PLEKHA6: variants seen among roughly 807,000 people sequenced by gnomAD.
PLEKHA6 encodes the protein pleckstrin homology domain containing A6.
In PLEKHA6, 60 loss-of-function variants were observed where a neutral mutation model predicts 116.7. The observed-to-expected ratio is 0.51, with a 90% CI of 0.42 to 0.64. The LOEUF (loss-of-function observed/expected upper bound fraction) is 0.64. Ranked by LOEUF, PLEKHA6 falls within the 30% of genes least tolerant of loss-of-function variation. PLEKHA6 has a pLI of 0.00. For synonymous variants in PLEKHA6, 489 were observed against 556.1 expected (o/e 0.88, Z 1.70); for missense variants, 1,338 against 1,422.7 (o/e 0.94, Z 0.96).
intron 1 of PLEKHA6, among the ~76,000 whole-genome samples, chr1:204,294,401 C>T (rs1038865633): frequency 3.9e-5 from 6 of 152,226 alleles, no homozygotes; most frequent in African/African-American, 1.4e-4. Flanking sequence ...GCTTAACCCC[C>T]AGAGATAGGT....
chr1:204,293,400 G>T (rs984749329), intron 1 of PLEKHA6, among the ~76,000 whole-genome samples: 1 of 152,182 alleles, frequency 6.6e-6, no homozygotes, highest in African/African-American at 2.4e-5. Context: ...CTCCCAAAGT[G>T]CTGGGATTAC....
chr1:204,312,212 C>T (rs1671679897), intron 1 of PLEKHA6, among the ~76,000 whole-genome samples: 1 of 152,222 alleles, frequency 6.6e-6, no homozygotes, highest in South Asian at 2.1e-4. Flanking sequence ...GCTTCCATGA[C>T]AGTCGATCAT....
At chr1:204,311,857 A>T (rs1671669007) in intron 1 of PLEKHA6, 1 of 162,446 alleles carries the variant, frequency 6.2e-6, no homozygotes, top group Non-Finnish European at 1.3e-5. Context: ...AACTCAGAAA[A>T]TGCATCCTAA....
intron 1 of PLEKHA6, among the ~76,000 whole-genome samples, chr1:204,376,317 G>A (rs1673870078): frequency 1.3e-5 from 2 of 152,178 alleles, no homozygotes; most frequent in South Asian, 4.1e-4. Flanking sequence ...GGAATCTCCT[G>A]AGGTAGGGCT....
chr1:204,325,492 G>T (rs556969755), intron 1 of PLEKHA6, among the ~76,000 whole-genome samples: 4 of 152,242 alleles, frequency 2.6e-5, no homozygotes, highest in Non-Finnish European at 5.9e-5. Context: ...GAACCAATGG[G>T]CACCACATGA....
At chr1:204,369,664 G>A (rs1156620515) in intron 2 of PLEKHA6, 4 of 152,164 alleles carry the variant, frequency 2.6e-5, no homozygotes, top group African/African-American at 4.8e-5. Context: ...AGCTGCCCTC[G>A]CGGCAAGCTC....
At chr1:204,286,748 G>C (rs543352923) in intron 1 of PLEKHA6, among the ~76,000 whole-genome samples, 4 of 152,238 alleles carry the variant, frequency 2.6e-5, no homozygotes, top group Non-Finnish European at 5.9e-5. Context: ...ACTTCTCCTG[G>C]GAGTGTAGGG....
chr1:204,360,730 C>G (rs1489991266), upstream of PLEKHA6, among the ~76,000 whole-genome samples: 9 of 152,136 alleles, frequency 5.9e-5, no homozygotes, highest in Non-Finnish European at 1.0e-4. Context: ...TGCAGAAACC[C>G]TTTCTCTAGC....
intron 1 of PLEKHA6, among the ~76,000 whole-genome samples, chr1:204,344,023 G>A (rs903921811): frequency 1.3e-5 from 2 of 152,182 alleles, no homozygotes; most frequent in Non-Finnish European, 2.9e-5. Flanking sequence ...GCTCAGTGGT[G>A]CGTGCCTATA....
intron 1 of PLEKHA6, among the ~76,000 whole-genome samples, chr1:204,281,533 A>AAAAAAAAC (rs1553266591): frequency 4.8e-5 from 5 of 103,652 alleles, no homozygotes; most frequent in African/African-American, 1.6e-4. Context: ...TCAAAAAAAC[A>AAAAAAAAC]AAAAAAACAG....
chr1:204,297,479 T>C (rs2103065014), intron 1 of PLEKHA6, among the ~76,000 whole-genome samples: 1 of 152,244 alleles, frequency 6.6e-6, no homozygotes, highest in Non-Finnish European at 1.5e-5. Context: ...GGTTCCCCAG[T>C]TGGTCAGAGA....
chr1:204,254,653 T>C (rs572364791), intron 9 of PLEKHA6, among the ~76,000 whole-genome samples: 1 of 152,152 alleles, frequency 6.6e-6, no homozygotes, highest in Non-Finnish European at 1.5e-5. Flanking sequence ...ATGGGGGTAA[T>C]AATAGCATCC....
intron 1 of PLEKHA6, among the ~76,000 whole-genome samples, chr1:204,301,926 G>A (rs1290279798): frequency 6.6e-6 from 1 of 152,130 alleles, no homozygotes; most frequent in Non-Finnish European, 1.5e-5. Context: ...TCGTCCAAGT[G>A]GACTTCTCAA....
At chr1:204,298,158 G>T (rs1275351600) in intron 1 of PLEKHA6, among the ~76,000 whole-genome samples, 1 of 152,238 alleles carries the variant, frequency 6.6e-6, no homozygotes, top group Non-Finnish European at 1.5e-5. Flanking sequence ...ATCCCATAGA[G>T]CCTGGCCCAA....
intron 1 of PLEKHA6, among the ~76,000 whole-genome samples, chr1:204,348,501 T>C (rs1043450876): frequency 1.3e-5 from 2 of 152,166 alleles, no homozygotes; most frequent in African/African-American, 4.8e-5. Context: ...AACCCGGTCC[T>C]GAGAGATGGA....
intron 1 of PLEKHA6, chr1:204,311,818 C>T: frequency 3.5e-6 from 1 of 286,580 alleles, no homozygotes; most frequent in Non-Finnish European, 5.2e-6. Context: ...TCACAATCAC[C>T]CATGGCCATG....
chr1:204,227,861 C>T (rs574917117), intron 21 of PLEKHA6, among the ~76,000 whole-genome samples: 58 of 152,332 alleles, frequency 3.8e-4, no homozygotes, highest in Non-Finnish European at 6.8e-4. Context: ...AGGATCATCC[C>T]GGCTCTGAGC....
intron 1 of PLEKHA6, among the ~76,000 whole-genome samples, chr1:204,315,400 C>T (rs959149191): frequency 6.6e-6 from 1 of 152,178 alleles, no homozygotes; most frequent in African/African-American, 2.4e-5. Context: ...TCTAGTTCAA[C>T]CTGACTGAAC....
intron 1 of PLEKHA6, among the ~76,000 whole-genome samples, chr1:204,376,184 G>C (rs1358388955): frequency 6.6e-6 from 1 of 152,176 alleles, no homozygotes; most frequent in African/African-American, 2.4e-5. Flanking sequence ...AATGAAAGAG[G>C]AAAAGAATCT....
Sources: gnomAD v4.1 joint callset for allele counts (sites outside exome capture counted in the v4.1 genomes callset) on GRCh38, gnomAD v4.1.1 for gene constraint, MANE v1.5 for transcripts, NCBI Gene and HGNC (gene_info 2026-07-23, HGNC 2026-07-21) for gene names.